ABCC5: variants seen among roughly 807,000 people sequenced by gnomAD.
The protein encoded by ABCC5 is ATP binding cassette subfamily C member 5.
Under a neutral mutation model 160.9 loss-of-function variants are expected in ABCC5, and 61 were observed. That is an observed-to-expected ratio of 0.38 (90% confidence interval 0.31 to 0.47). The LOEUF (loss-of-function observed/expected upper bound fraction) is 0.47. Ranked by LOEUF, ABCC5 falls within the 20% of genes least tolerant of loss-of-function variation. ABCC5 has a pLI of 0.99. For synonymous variants in ABCC5, 666 were observed against 700.6 expected (o/e 0.95, Z 0.78); for missense variants, 1,308 against 1,813.3 (o/e 0.72, Z 5.06).
intron 10 of ABCC5, among the ~76,000 whole-genome samples, chr3:183,974,073 G>A (rs549548804): frequency 2.0e-5 from 3 of 152,232 alleles, no homozygotes; most frequent in Non-Finnish European, 4.4e-5. Flanking sequence ...ACTTGAACTT[G>A]TATCTACTTG....
intron 26 of ABCC5, among the ~76,000 whole-genome samples, chr3:183,934,967 T>G (rs1442746621): frequency 2.0e-5 from 3 of 152,186 alleles, no homozygotes; most frequent in African/African-American, 7.2e-5. Context: ...TTCTTAATTC[T>G]CTTCCAAATG....
intron 2 of ABCC5, among the ~76,000 whole-genome samples, chr3:183,993,731 T>C (rs1195809273): frequency 6.6e-6 from 1 of 152,138 alleles, no homozygotes; most frequent in Non-Finnish European, 1.5e-5. Flanking sequence ...TGTGGCAAAA[T>C]ATATATAACA....
chr3:183,992,621 T>TA (rs900459401), intron 2 of ABCC5, among the ~76,000 whole-genome samples: 24 of 149,970 alleles, frequency 1.6e-4, no homozygotes, highest in South Asian at 4.2e-4. Flanking sequence ...CCGTCTCTAC[T>TA]AAAAAAAAAT....
chr3:183,933,829 C>T (rs1379379894), intron 26 of ABCC5, among the ~76,000 whole-genome samples: 2 of 152,138 alleles, frequency 1.3e-5, no homozygotes, highest in Non-Finnish European at 2.9e-5. Flanking sequence ...TCTAAGAATT[C>T]CTTTCAAGTT....
intron 2 of ABCC5, among the ~76,000 whole-genome samples, chr3:183,993,255 C>G (rs1719940011): frequency 6.6e-6 from 1 of 152,092 alleles, no homozygotes; most frequent in African/African-American, 2.4e-5. Flanking sequence ...GAGGCAAAGG[C>G]AGGCAGACTC....
chr3:183,995,291 G>C (rs1298930327), intron 2 of ABCC5, among the ~76,000 whole-genome samples: 1 of 152,044 alleles, frequency 6.6e-6, no homozygotes, highest in African/African-American at 2.4e-5. Context: ...TTGTAATTTT[G>C]AAGTCTAATT....
intron 2 of ABCC5, among the ~76,000 whole-genome samples, chr3:184,003,056 T>C (rs1310069351): frequency 6.6e-6 from 1 of 152,018 alleles, no homozygotes; most frequent in African/African-American, 2.4e-5. Context: ...AACAAGACAA[T>C]GGGCGCCTCT....
intron 25 of ABCC5, among the ~76,000 whole-genome samples, chr3:183,940,474 A>AAAAT (rs1714213674): frequency 6.6e-6 from 1 of 150,638 alleles, no homozygotes; most frequent in Non-Finnish European, 1.5e-5. Context: ...AAAAAAAAAA[A>AAAAT]AAAAAAAAAA....
intron 5 of ABCC5, chr3:183,985,234 G>T: frequency 7.4e-7 from 1 of 1,343,966 alleles, no homozygotes. Context: ...CAAACTGGAA[G>T]AAAACTTGAG....
chr3:183,974,769 T>C (rs1639412509), intron 10 of ABCC5, among the ~76,000 whole-genome samples: 1 of 152,244 alleles, frequency 6.6e-6, no homozygotes, highest in African/African-American at 2.4e-5. Context: ...CTACAGGTTA[T>C]CAAATCAATA....
At chr3:183,955,393 C>T (rs939930303) in intron 17 of ABCC5, among the ~76,000 whole-genome samples, 1 of 152,218 alleles carries the variant, frequency 6.6e-6, no homozygotes, top group Non-Finnish European at 1.5e-5. Context: ...TGTGCCTGAA[C>T]TCTAAAGGCA....
intron 17 of ABCC5, among the ~76,000 whole-genome samples, chr3:183,959,040 A>T (rs897358733): frequency 9.5e-5 from 13 of 137,532 alleles, no homozygotes; most frequent in African/African-American, 3.3e-4. Context: ...ACACATGTCT[A>T]CATCTATACA....
chr3:183,990,470 T>C (rs550633199), intron 2 of ABCC5, among the ~76,000 whole-genome samples: 2 of 152,248 alleles, frequency 1.3e-5, no homozygotes, highest in Non-Finnish European at 2.9e-5. Context: ...TTTTATCTTC[T>C]GTTTCCCAAT....
Position 183,982,740 on chromosome 3 carries a change from G to C in ABCC5, c.825+34C>G. 6.2e-7 allele frequency: 1 copy of C among 1,610,214 alleles called. No individual in the cohort carries two copies. Among genetic ancestry groups the C allele is most frequent in the Non-Finnish European group, 8.5e-7 (1 of 1,176,608 alleles). ...GGAATGAACCTCAAGCTAGGAAGTT[G>C]CTCTCTGCTGTGAAGCAAACACCCC... On this transcript the variant is annotated intron_variant, in intron 6 of 29. Transcript: ENST00000334444. The surrounding 1 kb of genome is among the most constrained non-coding windows in gnomAD (Gnocchi z 5.2).
intron 8 of ABCC5, among the ~76,000 whole-genome samples, chr3:183,981,328 T>C (rs1318279464): frequency 6.6e-6 from 1 of 152,168 alleles, no homozygotes; most frequent in East Asian, 1.9e-4. Flanking sequence ...CCACAAACTA[T>C]TTCCCGTGAA....
chr3:183,961,713 C>T, intron 15 of ABCC5, 59 bp from the exon 16 acceptor site: 1 of 1,598,680 alleles, frequency 6.3e-7, no homozygotes, highest in Non-Finnish European at 8.5e-7. Context: ...TTCAAAAACC[C>T]ATACATTAGT....
intron 27 of ABCC5, chr3:183,927,827 A>T (rs1275451331): frequency 1.0e-6 from 1 of 985,270 alleles, no homozygotes; most frequent in African/African-American, 1.7e-5. Flanking sequence ...TGCCTGTGAA[A>T]CATTTTTTGT....
At chr3:183,993,314 T>A (rs868479832) in intron 2 of ABCC5, among the ~76,000 whole-genome samples, 1 of 152,020 alleles carries the variant, frequency 6.6e-6, no homozygotes, top group South Asian at 2.1e-4. Flanking sequence ...TGAATCCCCA[T>A]CTCTACCAAA....
chr3:183,966,606 C>G (rs963648107), intron 12 of ABCC5, among the ~76,000 whole-genome samples: 1 of 152,118 alleles, frequency 6.6e-6, no homozygotes, highest in Non-Finnish European at 1.5e-5. Context: ...CCCCCTCCCC[C>G]CATCTCTGTC....
Sources: gnomAD v4.1 joint callset for allele counts (sites outside exome capture counted in the v4.1 genomes callset) on GRCh38, gnomAD v4.1.1 for gene constraint, Gnocchi (gnomAD v3.1) non-coding constraint, MANE v1.5 for transcripts, NCBI Gene and HGNC (gene_info 2026-07-23, HGNC 2026-07-21) for gene names.